CWC27: variants seen among roughly 807,000 people sequenced by gnomAD.
CWC27 encodes spliceosome-associated protein CWC27 homolog.
In CWC27, 47 loss-of-function variants were observed where a neutral mutation model predicts 63.6. The observed-to-expected ratio is 0.74, with a 90% CI of 0.58 to 0.94. CWC27 has a LOEUF of 0.94. Among genes scored for constraint, CWC27 ranks in the 40% least tolerant of loss-of-function variants. The pLI is 0.00. For missense variants in CWC27, 495 were observed against 554.3 expected (o/e 0.89, Z 1.07); for synonymous variants, 175 against 179.8 (o/e 0.97, Z 0.22).
At chr5:65,017,899 G>T (rs1160475699) in intron 13 of CWC27, among the ~76,000 whole-genome samples, 1 of 152,174 alleles carries the variant, frequency 6.6e-6, no homozygotes, top group Non-Finnish European at 1.5e-5. Context: ...TCCCAACAGG[G>T]GAGAAACCTC....
chr5:64,840,377 AAAAAAAAAAAAAAAAAAATAT>A (rs1462076966), intron 10 of CWC27, among the ~76,000 whole-genome samples: 4 of 65,798 alleles, frequency 6.1e-5, no homozygotes, highest in African/African-American at 2.6e-4. Context: ...AAAAAAAAAA[AAAAAAAAAAAAAAAAAAATAT>A]ATATATATAT....
At chr5:64,784,058 T>C (rs1287663477) in intron 4 of CWC27, 79 bp downstream of exon 4, 7 of 1,226,900 alleles carry the variant, frequency 5.7e-6, no homozygotes, top group Non-Finnish European at 7.7e-6. Context: ...ATACATATGA[T>C]TAACTTATCT....
intron 13 of CWC27, among the ~76,000 whole-genome samples, chr5:65,005,364 C>T (rs1456159875): frequency 6.6e-6 from 1 of 152,120 alleles, no homozygotes; most frequent in African/African-American, 2.4e-5. Flanking sequence ...ATGGCATGCT[C>T]ATGCACATAC....
At position 64,804,406 on chromosome 5, in the gene CWC27, A is replaced by G; in HGVS notation, c.938+20A>G. The G allele has an allele frequency of 6.4e-7, 1 of 1,560,294 alleles. No individual in the cohort carries two copies. Among genetic ancestry groups the G allele is most frequent in the South Asian group, 1.2e-5 (1 of 82,528 alleles). ...CCGCAGGTGAGTCAGTTACTGTGCT[A>G]GATATCAGAGTTTTTGTCTTTTTAT... On this transcript the variant is annotated intron_variant, in intron 10 of 13. Coordinates refer to ENST00000381070, the MANE Select transcript of CWC27 (RefSeq NM_005869.4).
At chr5:64,848,263 G>A (rs149847219) in intron 10 of CWC27, among the ~76,000 whole-genome samples, 188 of 152,250 alleles carry the variant, frequency 1.2e-3, no homozygotes, top group Non-Finnish European at 2.1e-3. Flanking sequence ...CAACCTAGGA[G>A]AAATGGATAA....
At chr5:64,788,919 CTTTT>C (rs11340181) in intron 6 of CWC27, 28 bp from the exon 7 acceptor site, 1 of 1,197,250 alleles carries the variant, frequency 8.4e-7, no homozygotes, top group Non-Finnish European at 1.2e-6. Flanking sequence ...CTTTCTCTTT[CTTTT>C]TTTTTTTCTT....
At chr5:64,942,487 C>A (rs1748504963) in intron 11 of CWC27, among the ~76,000 whole-genome samples, 1 of 144,178 alleles carries the variant, frequency 6.9e-6, no homozygotes, top group Non-Finnish European at 1.5e-5. Context: ...TGCAATAGAT[C>A]TCTTTAAAAT....
chr5:64,937,222 C>A (rs923276852), intron 11 of CWC27, among the ~76,000 whole-genome samples: 2 of 152,048 alleles, frequency 1.3e-5, no homozygotes, highest in Non-Finnish European at 2.9e-5. Context: ...CAGCTTTCTC[C>A]TGTGGGTATT....
chr5:64,805,603 TTAAAAA>T (rs1220215260), intron 10 of CWC27, among the ~76,000 whole-genome samples: 1 of 151,872 alleles, frequency 6.6e-6, no homozygotes, highest in Non-Finnish European at 1.5e-5. Flanking sequence ...AAAAATATAT[TTAAAAA>T]TTTTAATAGA....
chr5:65,000,926 T>C (rs1431378389), intron 13 of CWC27, among the ~76,000 whole-genome samples: 1 of 152,146 alleles, frequency 6.6e-6, no homozygotes, highest in Non-Finnish European at 1.5e-5. Flanking sequence ...AGTATGGTCA[T>C]ATTAACAACA....
rs377681456 is a variant in CWC27, at chr5:64,977,566, C to G, written c.1256+328C>G. 3.3e-5 allele frequency among the ~76,000 whole-genome samples: 5 copies of G among 152,094 alleles called. No individual in the cohort carries two copies. In the East Asian group the frequency reaches 9.7e-4, roughly 29 times the overall value. ...AAGATGAGACTCACATTAAACAACTCGAAAACAACCTTAGAAGATAATAAA... is the reference window on the plus strand; with the variant it reads ...AAGATGAGACTCACATTAAACAACTGGAAAACAACCTTAGAAGATAATAAA... On this transcript the variant is annotated intron_variant, in intron 13 of 13. Coordinates refer to ENST00000381070, the MANE Select transcript of CWC27 (RefSeq NM_005869.4).
At chr5:64,772,475 A>C (rs562717138) in intron 1 of CWC27, among the ~76,000 whole-genome samples, 1 of 151,544 alleles carries the variant, frequency 6.6e-6, no homozygotes, top group African/African-American at 2.4e-5. Flanking sequence ...AAATGCAAAA[A>C]AAGTAGCCGG....
At chr5:64,997,772 T>C (rs938005179) in intron 13 of CWC27, among the ~76,000 whole-genome samples, 7 of 152,062 alleles carry the variant, frequency 4.6e-5, no homozygotes, top group African/African-American at 1.7e-4. Flanking sequence ...TCATTGTAAA[T>C]AGAATTTAAA....
chr5:64,971,614 C>A, intron 11 of CWC27, 89 bp from the exon 12 acceptor site: 1 of 1,029,474 alleles, frequency 9.7e-7, no homozygotes, highest in East Asian at 2.7e-5. Flanking sequence ...AAGTGCCAAC[C>A]TCCTCTTCAG....
intron 11 of CWC27, among the ~76,000 whole-genome samples, chr5:64,908,500 A>G (rs549437016): frequency 4.9e-4 from 74 of 152,230 alleles, no homozygotes; most frequent in African/African-American, 1.8e-3. Flanking sequence ...GTCTCCCATT[A>G]TTATTGTGTG....
At chr5:65,010,334 C>G (rs2112473591) in intron 13 of CWC27, among the ~76,000 whole-genome samples, 1 of 152,230 alleles carries the variant, frequency 6.6e-6, no homozygotes, top group Non-Finnish European at 1.5e-5. Context: ...GTGGGCAAAA[C>G]TTGAAAATTG....
rs1331931996 is a variant in CWC27, at chr5:65,005,565, G to A, written c.1257-12594G>A. On this transcript the variant is annotated intron_variant, in intron 13 of 13. Coordinates refer to ENST00000381070, the MANE Select transcript of CWC27 (RefSeq NM_005869.4). ...GCAGATACCACTGGTGGTGACAGATGGGGCAGGCCTGTCCTCAGGCCCCCA... is the reference window on the plus strand; with the variant it reads ...GCAGATACCACTGGTGGTGACAGATAGGGCAGGCCTGTCCTCAGGCCCCCA... Among the ~76,000 whole-genome samples the A allele has an allele frequency of 2.0e-5, 3 of 151,044 alleles. No homozygotes were observed. In the South Asian group the frequency reaches 6.3e-4, roughly 32 times the overall value.
intron 10 of CWC27, among the ~76,000 whole-genome samples, chr5:64,875,302 A>C (rs536574217): frequency 1.3e-4 from 20 of 152,110 alleles, no homozygotes; most frequent in Non-Finnish European, 2.4e-4. Context: ...GTGTGTTTAG[A>C]TTTCTCCTTT....
chr5:64,855,016 C>T (rs2112302156), intron 10 of CWC27, among the ~76,000 whole-genome samples: 1 of 152,032 alleles, frequency 6.6e-6, no homozygotes, highest in Admixed American at 6.5e-5. Context: ...TCTCTTTTTG[C>T]TTCCTCCCCT....
Sources: allele counts gnomAD v4.1 joint callset (sites outside exome capture counted in the v4.1 genomes callset), GRCh38; gene constraint gnomAD v4.1.1; transcripts MANE v1.5; gene names NCBI Gene and HGNC (gene_info 2026-07-23, HGNC 2026-07-21).